OSTC: variants seen among roughly 807,000 people sequenced by gnomAD.
The protein encoded by OSTC is oligosaccharyltransferase complex non-catalytic subunit.
Under a neutral mutation model 16.4 loss-of-function variants are expected in OSTC, and 16 were observed. The ratio of observed to expected loss-of-function variants is 0.98; its 90% CI spans 0.66 to 1.49. The LOEUF (loss-of-function observed/expected upper bound fraction) is 1.49, where lower values mean the gene tolerates loss of function less well. OSTC is among the 40% of genes most tolerant of loss of function. The pLI is 0.00. For synonymous variants in OSTC, 67 were observed against 68.5 expected, an observed-to-expected ratio of 0.98 and a Z score of 0.11; for missense variants, 139 against 186.3, an observed-to-expected ratio of 0.75 and a Z score of 1.48.
In OSTC at chr4:108,655,576, A is replaced by T; in HGVS notation, c.152A>T (p.Asp51Val). 2 of 1,589,602 alleles carry T rather than the reference A, an allele frequency of 1.3e-6. No homozygotes were observed. The highest frequency in any genetic ancestry group is 1.7e-6 in the Non-Finnish European group (2 of 1,158,894). The change falls in exon 2 of 4, where the codon GAT becomes GTT. Residue 51 changes from aspartate (D) to valine (V), a missense_variant. By Grantham distance (152) the Asp-to-Val change is radical. Coordinates refer to ENST00000361564, the MANE Select transcript of OSTC (RefSeq NM_021227.4). ...GTCTTTCTTATAGGAATAATTTATGATGTTATTGTTGAACCTCCAAGTGTC... is the reference window on the plus strand; with the variant it reads ...GTCTTTCTTATAGGAATAATTTATGTTGTTATTGTTGAACCTCCAAGTGTC... Reference protein sequence around the residue: ...YFLITGGIIYDVIVEPPSVGS... With the variant: ...YFLITGGIIYVVIVEPPSVGS...
intron 1 of OSTC, among the ~76,000 whole-genome samples, chr4:108,655,156 C>T (rs1324220155): frequency 6.6e-6 from 1 of 152,182 alleles, no homozygotes; most frequent in Non-Finnish European, 1.5e-5. Context: ...ACAATCAAAG[C>T]ATTCCTATTT....
chr4:108,655,436 C>G, intron 1 of OSTC, 128 bp from the exon 2 acceptor site: 1 of 558,914 alleles, frequency 1.8e-6, no homozygotes, highest in Non-Finnish European at 2.9e-6. Context: ...ACTGCACTCT[C>G]AACCTGGGCG....
intron 3 of OSTC, among the ~76,000 whole-genome samples, chr4:108,662,733 G>A (rs1258871975): frequency 6.6e-6 from 1 of 152,186 alleles, no homozygotes; most frequent in East Asian, 1.9e-4. Context: ...AGATGTTTGA[G>A]AATCTCTTTC....
intron 3 of OSTC, among the ~76,000 whole-genome samples, chr4:108,663,570 T>TA: frequency 6.6e-6 from 1 of 152,314 alleles, no homozygotes; most frequent in South Asian, 2.1e-4. Flanking sequence ...TTGGAGTGGG[T>TA]AGTAGACCAG....
chr4:108,657,332 G>C, intron 2 of OSTC, 118 bp from the exon 3 acceptor site: 1 of 838,460 alleles, frequency 1.2e-6, no homozygotes, highest in Admixed American at 2.6e-5. Context: ...TAGTTGTAAG[G>C]CTAAGAATAA....
chr4:108,659,257 G>T (rs1406906643), intron 3 of OSTC, among the ~76,000 whole-genome samples: 1 of 151,930 alleles, frequency 6.6e-6, no homozygotes, highest in Non-Finnish European at 1.5e-5. Flanking sequence ...TGGGATTATA[G>T]GTGTGAGCCA....
At chr4:108,653,608 C>T (rs951346286) in intron 1 of OSTC, among the ~76,000 whole-genome samples, 2 of 152,002 alleles carry the variant, frequency 1.3e-5, no homozygotes, top group African/African-American at 4.8e-5. Context: ...GGTTTGAGCT[C>T]CTGAATAGAT....
chr4:108,663,004 G>T (rs1012989682), intron 3 of OSTC, among the ~76,000 whole-genome samples: 1 of 152,164 alleles, frequency 6.6e-6, no homozygotes. Context: ...AACTCTCTTG[G>T]CCTCAGGTTC....
chr4:108,653,064 T>C (rs1257480388), intron 1 of OSTC, among the ~76,000 whole-genome samples: 1 of 151,376 alleles, frequency 6.6e-6, no homozygotes, highest in Non-Finnish European at 1.5e-5. Context: ...ACCCCAAAAT[T>C]AGCTGAGCCT....
intron 1 of OSTC, chr4:108,651,026 T>C: frequency 1.9e-6 from 1 of 513,542 alleles, no homozygotes; most frequent in South Asian, 3.1e-5. Flanking sequence ...TTCTTCTCCT[T>C]CTAGCCCTCC....
At chr4:108,652,507 T>C (rs1726583269) in intron 1 of OSTC, among the ~76,000 whole-genome samples, 1 of 152,100 alleles carries the variant, frequency 6.6e-6, no homozygotes, top group Non-Finnish European at 1.5e-5. Context: ...TCTTGTATGA[T>C]GAATTGGTTT....
chr4:108,651,389 G>C (rs543987482), intron 1 of OSTC: 1 of 152,750 alleles, frequency 6.5e-6, no homozygotes, highest in East Asian at 1.9e-4. Context: ...AAATATTTGA[G>C]ATTGGAGATG....
At chr4:108,658,382 A>G (rs1215092520) in intron 3 of OSTC, among the ~76,000 whole-genome samples, 2 of 151,736 alleles carry the variant, frequency 1.3e-5, no homozygotes. Context: ...GGGAAAAGAG[A>G]GTTATTGCCC....
chr4:108,666,712 A>AAG (rs1727014054), intron 3 of OSTC, among the ~76,000 whole-genome samples: 1 of 6,412 alleles, frequency 1.6e-4, no homozygotes, highest in Non-Finnish European at 2.9e-4. Context: ...ACTCCATCTC[A>AAG]AAAAAAAAAA....
chr4:108,652,301 A>G (rs1490800728), intron 1 of OSTC: 2 of 152,136 alleles, frequency 1.3e-5, no homozygotes, highest in Admixed American at 1.3e-4. Context: ...GTCATTATTC[A>G]ATAATAATAA....
chr4:108,664,051 TTTTA>T (rs1726932438), intron 3 of OSTC, among the ~76,000 whole-genome samples: 1 of 152,192 alleles, frequency 6.6e-6, no homozygotes, highest in Non-Finnish European at 1.5e-5. Context: ...ACAATTTTAT[TTTTA>T]TTTCTTATCA....
At chr4:108,664,433 A>G (rs1726940800) in intron 3 of OSTC, among the ~76,000 whole-genome samples, 1 of 151,636 alleles carries the variant, frequency 6.6e-6, no homozygotes, top group Non-Finnish European at 1.5e-5. Context: ...GAGTGCAGAT[A>G]TTAGTGGATG....
intron 1 of OSTC, chr4:108,652,340 C>T (rs2851381): frequency 0.77 from 117,613 of 152,008 alleles, 45,899 homozygotes; most frequent in East Asian, 1. Context: ...TTCCTGTAAC[C>T]CTTACTTCCC....
Position 108,655,570 on chromosome 4 carries a change from T to G in OSTC, c.146T>G (p.Ile49Ser). The G allele has an allele frequency of 2.5e-6, 4 of 1,580,256 alleles. No homozygotes were observed. Among genetic ancestry groups the G allele is most frequent in the Non-Finnish European group, 2.6e-6 (3 of 1,150,534 alleles). Residue 49 changes from isoleucine (I) to serine (S), a missense_variant, in exon 2 of 4, where the codon ATT becomes AGT. Physicochemically the swap from Ile to Ser is moderately radical, Grantham distance 142. Coordinates refer to ENST00000361564, the MANE Select transcript of OSTC (RefSeq NM_021227.4). ...TCTGTTGTCTTTCTTATAGGAATAA[T>G]TTATGATGTTATTGTTGAACCTCCA... ...VSYFLITGGI[I>S]YDVIVEPPSV... is the part of the protein sequence containing the mutation.
Sources: allele counts gnomAD v4.1 joint callset (sites outside exome capture counted in the v4.1 genomes callset), GRCh38; gene constraint gnomAD v4.1.1; transcripts MANE v1.5; gene names NCBI Gene and HGNC (gene_info 2026-07-23, HGNC 2026-07-21).